The following SPATS1 variants were observed in gnomAD, a reference collection of about 807,000 sequenced individuals.
SPATS1 encodes spermatogenesis-associated serine-rich protein 1.
A neutral mutation model predicts 33.6 loss-of-function variants in SPATS1; 23 were observed. The observed-to-expected ratio is 0.68, with a 90% confidence interval of 0.49 to 0.97. The LOEUF (loss-of-function observed/expected upper bound fraction) is 0.97, where lower values mean the gene tolerates loss of function less well. Ranked by LOEUF, SPATS1 falls within the 50% of genes least tolerant of loss-of-function variation. The pLI is 0.00. For missense variants in SPATS1, 327 were observed against 361.0 expected (o/e 0.91, Z 0.76); for synonymous variants, 131 against 125.6 (o/e 1.04, Z -0.29).
At chr6:44,374,195 C>T (rs1789795939) in intron 7 of SPATS1, among the ~76,000 whole-genome samples, 1 of 152,158 alleles carries the variant, frequency 6.6e-6, no homozygotes, top group Non-Finnish European at 1.5e-5. Context: ...AAAGTGTATT[C>T]CACTTAATCA....
Position 44,368,436 on chromosome 6 carries a change from A to G in SPATS1, c.632A>G (p.Tyr211Cys). ...ACTCCAGGCGACAATCCATATATGTACCCAGAACAGAGTAAAGGCTTCCAC... is the reference window on the plus strand; with the variant it reads ...ACTCCAGGCGACAATCCATATATGTGCCCAGAACAGAGTAAAGGCTTCCAC... ...KLTPGDNPYM[Y>C]PEQSKGFHKA... is the part of the protein sequence containing the mutation. Residue 211 changes from tyrosine to cysteine, a missense_variant, in exon 6 of 9, where the codon TAC becomes TGC. Physicochemically the swap from Tyr to Cys is radical, Grantham distance 194. Transcript: ENST00000674044. The G allele has an allele frequency of 1.9e-6, 3 of 1,613,806 alleles. No individual in the cohort carries two copies. Among genetic ancestry groups the G allele is most frequent in the Non-Finnish European group, 2.5e-6 (3 of 1,179,846 alleles).
chr6:44,346,117 C>CA (rs1787865054), intron 2 of SPATS1, among the ~76,000 whole-genome samples: 1 of 151,862 alleles, frequency 6.6e-6, no homozygotes, highest in South Asian at 2.1e-4. Flanking sequence ...CCCATCTCTA[C>CA]AAAAAATACA....
rs765713242 is a variant in SPATS1, at chr6:44,368,453, G to T, written c.649G>T (p.Gly217Cys). Residue 217 changes from glycine to cysteine, a missense_variant, in exon 6 of 9, where the codon GGC (glycine) becomes TGC (cysteine). By Grantham distance (159) the Gly-to-Cys change is radical. Transcript: ENST00000674044. Reference protein sequence around the residue: ...NPYMYPEQSKGFHKAGSMLPP... With the variant: ...NPYMYPEQSKCFHKAGSMLPP... ...ATATATGTACCCAGAACAGAGTAAAGGCTTCCACAAAGCAGGATCAATGCT... is the reference window on the plus strand; with the variant it reads ...ATATATGTACCCAGAACAGAGTAAATGCTTCCACAAAGCAGGATCAATGCT... The T allele has an allele frequency of 6.2e-7, 1 of 1,613,318 alleles. No homozygotes were observed.
intron 6 of SPATS1, among the ~76,000 whole-genome samples, chr6:44,369,119 A>C (rs565711966): frequency 6.6e-6 from 1 of 152,034 alleles, no homozygotes; most frequent in Non-Finnish European, 1.5e-5. Flanking sequence ...GATGGTCTTG[A>C]TCTCCTGACC....
intron 7 of SPATS1, among the ~76,000 whole-genome samples, chr6:44,373,198 T>C (rs947255540): frequency 1.3e-5 from 2 of 152,230 alleles, no homozygotes; most frequent in African/African-American, 4.8e-5. Flanking sequence ...AACTTGGATC[T>C]TCGGCTCCTC....
At chr6:44,363,325 A>AT (rs1789038954) in intron 5 of SPATS1, among the ~76,000 whole-genome samples, 1 of 151,850 alleles carries the variant, frequency 6.6e-6, no homozygotes, top group Non-Finnish European at 1.5e-5. Flanking sequence ...TTCTATTTTT[A>AT]GTAGAGACAG....
At chr6:44,343,291 A>ACCC in intron 2 of SPATS1, 57 bp downstream of exon 2, 1 of 1,082,352 alleles carries the variant, frequency 9.2e-7, no homozygotes, top group Non-Finnish European at 1.3e-6. Flanking sequence ...AGTATACTAC[A>ACCC]CCCGGGGGCG....
rs1282251502 is a variant in SPATS1 at position 44,342,723 on chromosome 6, G to A, written c.-46G>A. On this transcript the variant is annotated 5_prime_UTR_variant, in exon 1 of 9. Transcript: ENST00000674044. Reference sequence around the variant, plus strand: ...CCTAGGCTCTCGGTTCTCAGGCCTCGGCGTGCGGCGTGCGTTCGGCAGTTC... The same window carrying A: ...CCTAGGCTCTCGGTTCTCAGGCCTCAGCGTGCGGCGTGCGTTCGGCAGTTC... The A allele has an allele frequency of 2.2e-6, 1 of 463,160 alleles. No individual in the cohort carries two copies. The highest frequency in any genetic ancestry group is 2.3e-5 in the Admixed American group (1 of 42,698). 28.7% of individuals were successfully genotyped at this position (463,160 alleles called of 1,614,324 possible). A position where few individuals can be genotyped will look rare whatever the true frequency, so the allele number is the denominator to read the frequency against.
intron 7 of SPATS1, among the ~76,000 whole-genome samples, chr6:44,371,289 C>A (rs1189915388): frequency 6.7e-6 from 1 of 150,368 alleles, no homozygotes; most frequent in African/African-American, 2.5e-5. Context: ...TAGAGCAAAA[C>A]CCTGTCTCAA....
At chr6:44,376,688 T>C (rs182344013) in intron 8 of SPATS1, among the ~76,000 whole-genome samples, 2 of 152,272 alleles carry the variant, frequency 1.3e-5, no homozygotes, top group East Asian at 3.9e-4. Context: ...TAATCCCAGC[T>C]ACTCAGGAGG....
At chr6:44,355,830 TG>T (rs554911576) in intron 3 of SPATS1, among the ~76,000 whole-genome samples, 108 of 152,308 alleles carry the variant, frequency 7.1e-4, no homozygotes, top group African/African-American at 2.4e-3. Context: ...GCAGCAGTAG[TG>T]GGACCATGTA....
At chr6:44,352,286 A>G (rs751489902) in intron 2 of SPATS1, among the ~76,000 whole-genome samples, 2 of 152,050 alleles carry the variant, frequency 1.3e-5, no homozygotes, top group Non-Finnish European at 2.9e-5. Context: ...GTGTGCCACC[A>G]TGACCAGCTA....
chr6:44,353,235 G>A (rs1788348456), intron 3 of SPATS1, among the ~76,000 whole-genome samples: 1 of 152,168 alleles, frequency 6.6e-6, no homozygotes, highest in Non-Finnish European at 1.5e-5. Context: ...TTTGGGATAT[G>A]TACATACATA....
intron 3 of SPATS1, among the ~76,000 whole-genome samples, chr6:44,356,355 T>C (rs1788587868): frequency 6.6e-6 from 1 of 152,232 alleles, no homozygotes. Context: ...CCTGGACCAC[T>C]GTAATACCTT....
At chr6:44,355,374 T>G (rs1477737711) in intron 3 of SPATS1, among the ~76,000 whole-genome samples, 1 of 152,234 alleles carries the variant, frequency 6.6e-6, no homozygotes, top group African/African-American at 2.4e-5. Flanking sequence ...ATTGTCTGGA[T>G]GTACCATAGT....
intron 2 of SPATS1, among the ~76,000 whole-genome samples, chr6:44,344,389 A>G (rs1253466074): frequency 8.0e-6 from 1 of 124,698 alleles, no homozygotes; most frequent in African/African-American, 3.7e-5. Flanking sequence ...AATTGAAGAT[A>G]CGTGTGTGTG....
In SPATS1 at chr6:44,369,816, G is replaced by C. The variant is rs190602173; in HGVS notation, c.696-235G>C. On this transcript the variant is annotated intron_variant, in intron 6 of 8. Coordinates refer to ENST00000674044, the MANE Select transcript of SPATS1 (RefSeq NM_001372081.1). The stretch of plus-strand genomic sequence containing the variant: ...GAGCCTGAAAGGTCGAGGCTGCAGT[G>C]AGCTGAGATTGTGCCACTGCACTCC... Among the ~76,000 whole-genome samples, 14 of 152,142 alleles carry C rather than the reference G, an allele frequency of 9.2e-5. No individual in the cohort carries two copies. In the East Asian group the frequency reaches 2.7e-3, roughly 29 times the overall value.
chr6:44,372,842 A>C (rs1340712879), intron 7 of SPATS1, among the ~76,000 whole-genome samples: 1 of 152,166 alleles, frequency 6.6e-6, no homozygotes, highest in Non-Finnish European at 1.5e-5. Flanking sequence ...GCTTGTTTTC[A>C]AGCTTTGTTA....
intron 5 of SPATS1, among the ~76,000 whole-genome samples, chr6:44,363,417 T>C (rs1419428470): frequency 6.6e-6 from 1 of 152,164 alleles, no homozygotes; most frequent in Non-Finnish European, 1.5e-5. Flanking sequence ...AGTGCTGGTA[T>C]TACAGGTGTG....
Sources: allele counts gnomAD v4.1 joint callset (sites outside exome capture counted in the v4.1 genomes callset), GRCh38; gene constraint gnomAD v4.1.1; transcripts MANE v1.5; gene names NCBI Gene and HGNC (gene_info 2026-07-23, HGNC 2026-07-21).